BRD1: variants seen among roughly 807,000 people sequenced by gnomAD.
BRD1 encodes bromodomain containing 1.
BRD1 carries 24 observed loss-of-function variants against 107.7 expected under a neutral mutation model. The observed-to-expected ratio is 0.22, with a 90% CI of 0.16 to 0.31. The LOEUF (loss-of-function observed/expected upper bound fraction) is 0.31. Among genes scored for constraint, BRD1 ranks in the 10% least tolerant of loss-of-function variants. BRD1 has a pLI of 1.00. For synonymous variants in BRD1, 744 were observed against 686.1 expected, an observed-to-expected ratio of 1.08 and a Z score of -1.32; for missense variants, 1,279 against 1,638.6, an observed-to-expected ratio of 0.78 and a Z score of 3.79.
chr22:49,813,737 C>T (rs966712088), intron 2 of BRD1, among the ~76,000 whole-genome samples: 5 of 151,340 alleles, frequency 3.3e-5, no homozygotes, highest in African/African-American at 7.3e-5. Flanking sequence ...GAAGCTGAGG[C>T]AGAATCGCTT....
chr22:49,787,330 G>GA, intron 8 of BRD1, 60 bp downstream of exon 8: 5 of 1,336,052 alleles, frequency 3.7e-6, no homozygotes, highest in Non-Finnish European at 3.9e-6. Context: ...CAATGATCCT[G>GA]AAGGACGCTC....
At chr22:49,791,935 T>C (rs1013036747) in intron 7 of BRD1, among the ~76,000 whole-genome samples, 11 of 152,034 alleles carry the variant, frequency 7.2e-5, no homozygotes, top group African/African-American at 2.2e-4. Context: ...GTGTTTTCCT[T>C]ACAATGGCCC....
In BRD1 at chr22:49,797,909, T is replaced by A; in HGVS notation, c.1994A>T (p.Gln665Leu). ...LRDQGGVVLR[Q>L]ARREVDSIGL... The stretch of plus-strand genomic sequence containing the variant: ...GATGCTGTCCACCTCGCGCCGGGCC[T>A]GCCTCAGAACAACACCTCCCTGATC... Residue 665 changes from glutamine to leucine, a missense_variant, in exon 6 of 13, where the codon CAG (glutamine) becomes CTG (leucine). Physicochemically the swap from Gln to Leu is moderately radical, Grantham distance 113 (BLOSUM62 -2). Transcript: ENST00000404760. 1 of 1,614,208 alleles carries A rather than the reference T, an allele frequency of 6.2e-7. No individual in the cohort carries two copies. Among genetic ancestry groups the A allele is most frequent in the South Asian group, 1.1e-5 (1 of 91,088 alleles).
intron 12 of BRD1, chr22:49,775,223 C>G (rs2059057826): frequency 1.2e-5 from 2 of 163,336 alleles, no homozygotes; most frequent in Admixed American, 6.4e-5. Context: ...GAGGCCAGGC[C>G]CGGGCAGGGG....
chr22:49,816,568 C>A (rs1003633161), intron 2 of BRD1, among the ~76,000 whole-genome samples: 1 of 152,198 alleles, frequency 6.6e-6, no homozygotes, highest in Non-Finnish European at 1.5e-5. Context: ...CATCTTTATT[C>A]CAGAGTCAAC....
chr22:49,818,387 G>A (rs2059997671), intron 2 of BRD1: 1 of 1,188,640 alleles, frequency 8.4e-7, no homozygotes, highest in Non-Finnish European at 1.1e-6. Flanking sequence ...GATGAACCTA[G>A]GAGTTTTGTT....
chr22:49,822,930 T>C (rs2060096756), intron 2 of BRD1, 21 bp downstream of exon 2: 1 of 1,610,022 alleles, frequency 6.2e-7, no homozygotes, highest in African/African-American at 1.3e-5. Context: ...CCTTGTGGAC[T>C]CAATGCTTGG....
At position 49,792,993 on chromosome 22, in the gene BRD1, A is replaced by G. The variant is rs1460778017; in HGVS notation, c.2359+1041T>C. ...ATAAGAGATGAACGTCTTTGTTTTA[A>G]AAGAAAATTGTACAACAATTCTGTG... is the stretch of plus-strand genomic sequence containing the variant. On this transcript the variant is annotated intron_variant, in intron 7 of 12. Coordinates refer to ENST00000404760, the MANE Select transcript of BRD1 (RefSeq NM_001304808.3). This position sits in a 1 kb window ranked among gnomAD's most constrained non-coding sequence, Gnocchi z 4.2. Among the ~76,000 whole-genome samples the G allele has an allele frequency of 6.6e-6, 1 of 152,208 alleles. No homozygotes were observed. The highest frequency in any genetic ancestry group is 1.5e-5 in the Non-Finnish European group (1 of 68,048).
At chr22:49,816,665 T>C (rs2059958237) in intron 2 of BRD1, among the ~76,000 whole-genome samples, 1 of 152,148 alleles carries the variant, frequency 6.6e-6, no homozygotes, top group African/African-American at 2.4e-5. Context: ...TTGGGAGGCC[T>C]AGGCAGGAGG....
chr22:49,776,873 C>G (rs935816897), intron 10 of BRD1, among the ~76,000 whole-genome samples, 161 bp downstream of exon 10: 2 of 152,262 alleles, frequency 1.3e-5, no homozygotes, highest in Non-Finnish European at 2.9e-5. Context: ...CAGCCCAGAG[C>G]CCCTCGGTGT....
chr22:49,816,298 G>A (rs1192003358), intron 2 of BRD1, among the ~76,000 whole-genome samples: 1 of 152,056 alleles, frequency 6.6e-6, no homozygotes, highest in Non-Finnish European at 1.5e-5. Context: ...ACCTAGGATT[G>A]CGCCACTTCA....
At chr22:49,817,963 C>T (rs1160896644) in intron 2 of BRD1, among the ~76,000 whole-genome samples, 3 of 152,136 alleles carry the variant, frequency 2.0e-5, no homozygotes, top group African/African-American at 4.8e-5. Context: ...CCTGAGCCAC[C>T]GCACCCAGTC....
At chr22:49,775,960 A>C (rs2059088529) in intron 11 of BRD1, 90 bp downstream of exon 11, 39 of 916,494 alleles carry the variant, frequency 4.3e-5, no homozygotes, top group African/African-American at 8.9e-5. Context: ...ACCTCCTTGG[A>C]CCACCGCCGT....
At chr22:49,793,872 G>GA (rs1185412018) in intron 7 of BRD1, among the ~76,000 whole-genome samples, 162 bp downstream of exon 7, 9 of 152,240 alleles carry the variant, frequency 5.9e-5, no homozygotes, top group African/African-American at 2.2e-4. Context: ...AGCCCAGTGG[G>GA]AAAATCAAGT....
Position 49,777,095 on chromosome 22 carries a change from G to T in BRD1, c.3060C>A (p.Arg1020=). ...ALVRRHTLED[R]SELISCIENG... Reference sequence around the variant, plus strand: ...TCTCGATGCAGGAGATCAGCTCACTGCGGTCCTCCAGCGTGTGCCGTCGCA... The same window carrying T: ...TCTCGATGCAGGAGATCAGCTCACTTCGGTCCTCCAGCGTGTGCCGTCGCA... The change falls in exon 10 of 13, where the codon CGC becomes CGA. Residue 1020 remains arginine (R), a synonymous_variant. Transcript: ENST00000404760. 1 of 1,613,376 alleles carries T rather than the reference G, an allele frequency of 6.2e-7. No individual in the cohort carries two copies.
Position 49,793,930 on chromosome 22 carries a change from C to T in BRD1, c.2359+104G>A, listed in dbSNP as rs921273728. The T allele has an allele frequency of 6.8e-6, 10 of 1,464,776 alleles. No individual in the cohort carries two copies. The Admixed American group carries it at 8.8e-5, about 13-fold the overall frequency. The allele number at this position is 1,464,776 out of a possible 1,614,324, so 90.7% of individuals were successfully genotyped here. ...CGGAACTGGCGCTAACCTGAGCCTC[C>T]GTGCACACCAACGCTGCTGCCCGTG... On this transcript the variant is annotated intron_variant, in intron 7 of 12. Transcript: ENST00000404760.
rs965682914 is a variant in BRD1, at chr22:49,803,121, C to T, written c.1524+1083G>A. ...AATCAGACCCACAAACCACCACCTG[C>T]CAGACCAGAGCACCAGACTCTGTAG... On this transcript the variant is annotated intron_variant, in intron 3 of 12. Coordinates refer to ENST00000404760, the MANE Select transcript of BRD1 (RefSeq NM_001304808.3). The surrounding 1 kb of genome is among the most constrained non-coding windows in gnomAD (Gnocchi z 4.4). Among the ~76,000 whole-genome samples the T allele has an allele frequency of 6.6e-6, 1 of 152,246 alleles. No individual in the cohort carries two copies. Among genetic ancestry groups the T allele is most frequent in the Non-Finnish European group, 1.5e-5 (1 of 68,048 alleles).
intron 2 of BRD1, among the ~76,000 whole-genome samples, chr22:49,813,318 T>C (rs2059888279): frequency 6.6e-6 from 1 of 152,046 alleles, no homozygotes; most frequent in Admixed American, 6.5e-5. Flanking sequence ...GCCTCCTGGC[T>C]TCAAGCGATT....
At chr22:49,796,999 G>A (rs1312001247) in intron 6 of BRD1, among the ~76,000 whole-genome samples, 3 of 152,248 alleles carry the variant, frequency 2.0e-5, no homozygotes, top group African/African-American at 7.2e-5. Flanking sequence ...CAAACACACC[G>A]TGATTTCTGC....
Sources: gnomAD v4.1 joint callset for allele counts (sites outside exome capture counted in the v4.1 genomes callset) on GRCh38, gnomAD v4.1.1 for gene constraint, Gnocchi (gnomAD v3.1) non-coding constraint, MANE v1.5 for transcripts, NCBI Gene and HGNC (gene_info 2026-07-23, HGNC 2026-07-21) for gene names.